The following LRRTM4 variants were observed in gnomAD, a reference collection of about 807,000 sequenced individuals.
The protein encoded by LRRTM4 is leucine rich repeat transmembrane neuronal 4.
In LRRTM4, 25 loss-of-function variants were observed where a neutral mutation model predicts 47.6. The ratio of observed to expected loss-of-function variants is 0.53; its 90% CI spans 0.38 to 0.73. The LOEUF (loss-of-function observed/expected upper bound fraction) is 0.73. Ranked by LOEUF, LRRTM4 falls within the 30% of genes least tolerant of loss-of-function variation. The pLI, the probability that LRRTM4 is intolerant of heterozygous loss-of-function variation, is 0.00. For missense variants in LRRTM4, 638 were observed against 713.4 expected (o/e 0.89, Z 1.20); for synonymous variants, 311 against 269.5 (o/e 1.15, Z -1.51).
rs570482928 is a variant in LRRTM4, at chr2:77,049,501, T to A, written c.1552-300585A>T. ...AGCAGCCATTCTAGCTAGAGTGAGA[T>A]GGTATCTCATTCTGATTTTGATTGG... On this transcript the variant is annotated intron_variant, in intron 3 of 3. Transcript: ENST00000409884. 7.2e-5 allele frequency among the ~76,000 whole-genome samples: 11 copies of A among 152,070 alleles called. No individual in the cohort carries two copies. In the South Asian group the frequency reaches 2.3e-3, roughly 32 times the overall value.
At chr2:77,193,408 T>TAA (rs982484500) in intron 3 of LRRTM4, among the ~76,000 whole-genome samples, 1 of 152,220 alleles carries the variant, frequency 6.6e-6, no homozygotes, top group African/African-American at 2.4e-5. Flanking sequence ...TAAATATTGT[T>TAA]AAATACATTT....
At position 77,242,261 on chromosome 2, in the gene LRRTM4, A is replaced by C. The variant is rs146468093; in HGVS notation, c.1551+276057T>G. On this transcript the variant is annotated intron_variant, in intron 3 of 3. Coordinates refer to ENST00000409884, the MANE Select transcript of LRRTM4 (RefSeq NM_001134745.3). ...GACATCTTAACAATATTAAGTAGGAATAAATTTCTGTCTGTGACACCAAAA... is the reference window on the plus strand; with the variant it reads ...GACATCTTAACAATATTAAGTAGGACTAAATTTCTGTCTGTGACACCAAAA... 1.1e-3 allele frequency among the ~76,000 whole-genome samples: 160 copies of C among 152,248 alleles called. 1 individual carries two copies. The highest frequency in any genetic ancestry group is 3.3e-3 in the African/African-American group (138 of 41,572).
chr2:76,775,524 A>G (rs1016378703), intron 3 of LRRTM4, among the ~76,000 whole-genome samples: 1 of 152,146 alleles, frequency 6.6e-6, no homozygotes, highest in Non-Finnish European at 1.5e-5. Flanking sequence ...GGGACAAATC[A>G]TCAATAGAAT....
chr2:76,994,353 C>T lies in LRRTM4; in HGVS notation c.1552-245437G>A, dbSNP rs147897228. The stretch of plus-strand genomic sequence containing the variant: ...AATAAATACAATGATGGTGAATCCC[C>T]CAAGCTGTGTTTCTATCCTGCAACA... On this transcript the variant is annotated intron_variant, in intron 3 of 3. Transcript: ENST00000409884. 3.9e-3 allele frequency among the ~76,000 whole-genome samples: 595 copies of T among 151,748 alleles called. 1 individual carries two copies. Among genetic ancestry groups the T allele is most frequent in the African/African-American group, 0.014 (569 of 41,482 alleles).
chr2:77,394,843 T>G (rs1479262446), intron 3 of LRRTM4, among the ~76,000 whole-genome samples: 3 of 151,960 alleles, frequency 2.0e-5, no homozygotes, highest in African/African-American at 7.2e-5. Flanking sequence ...AGGCCAGGGT[T>G]GGTGGTCTCT....
chr2:76,824,201 A>G (rs1271340261), intron 3 of LRRTM4, among the ~76,000 whole-genome samples: 1 of 151,594 alleles, frequency 6.6e-6, no homozygotes, highest in African/African-American at 2.4e-5. Context: ...CAATCTATTA[A>G]TATCTCCAAT....
chr2:77,253,023 C>T (rs1031296959), intron 3 of LRRTM4, among the ~76,000 whole-genome samples: 1 of 152,002 alleles, frequency 6.6e-6, no homozygotes, highest in African/African-American at 2.4e-5. Context: ...CTCCCTGCCT[C>T]CCAAATCTCA....
At chr2:76,841,062 T>C (rs1028425020) in intron 3 of LRRTM4, among the ~76,000 whole-genome samples, 3 of 145,216 alleles carry the variant, frequency 2.1e-5, no homozygotes, top group Non-Finnish European at 4.4e-5. Flanking sequence ...TAAGAAAATG[T>C]GGCACATAGA....
At chr2:77,225,201 C>A (rs181053295) in intron 3 of LRRTM4, among the ~76,000 whole-genome samples, 12 of 103,058 alleles carry the variant, frequency 1.2e-4, no homozygotes, top group South Asian at 6.2e-4. Context: ...CATCACACAC[C>A]GGGGACTGTT....
chr2:77,505,295 A>C (rs1381128273), intron 3 of LRRTM4, among the ~76,000 whole-genome samples: 1 of 151,380 alleles, frequency 6.6e-6, no homozygotes, highest in African/African-American at 2.4e-5. Flanking sequence ...AAAAGCTAAA[A>C]ATTCATTTGG....
At chr2:77,232,945 GA>G (rs1180131088) in intron 3 of LRRTM4, among the ~76,000 whole-genome samples, 1 of 152,034 alleles carries the variant, frequency 6.6e-6, no homozygotes, top group Non-Finnish European at 1.5e-5. Flanking sequence ...CTTGACTTTA[GA>G]AAATGTGGCA....
At chr2:77,069,426 TGTG>T (rs1558561402) in intron 3 of LRRTM4, among the ~76,000 whole-genome samples, 56 of 151,792 alleles carry the variant, frequency 3.7e-4, no homozygotes, top group African/African-American at 1.3e-3. Flanking sequence ...TGTGTGTGTG[TGTG>T]TGTGTGTGTT....
chr2:76,777,643 C>A (rs1674104679), intron 3 of LRRTM4, among the ~76,000 whole-genome samples: 1 of 150,822 alleles, frequency 6.6e-6, no homozygotes. Context: ...TGCTTATCAG[C>A]TTAAGGAGAT....
At chr2:76,760,415 AAAG>A (rs756875634) in intron 3 of LRRTM4, among the ~76,000 whole-genome samples, 6 of 152,194 alleles carry the variant, frequency 3.9e-5, no homozygotes, top group Non-Finnish European at 7.3e-5. Context: ...GCAAGGAAGG[AAAG>A]AAGAGGGAAG....
chr2:77,063,806 A>C (rs1355622614), intron 3 of LRRTM4, among the ~76,000 whole-genome samples: 2 of 152,184 alleles, frequency 1.3e-5, no homozygotes, highest in Non-Finnish European at 2.9e-5. Context: ...ATGTATAATA[A>C]AAATGTTTAA....
chr2:76,911,421 A>T (rs1252460258), intron 3 of LRRTM4, among the ~76,000 whole-genome samples: 1 of 152,228 alleles, frequency 6.6e-6, no homozygotes, highest in Non-Finnish European at 1.5e-5. Context: ...CTTCCCCAAA[A>T]CAATTACATC....
intron 3 of LRRTM4, among the ~76,000 whole-genome samples, chr2:77,269,532 ACTGT>A (rs776963652): frequency 5.9e-5 from 9 of 152,190 alleles, no homozygotes; most frequent in Non-Finnish European, 1.0e-4. Context: ...ACTGAATTAA[ACTGT>A]CTGCTAAACA....
intron 3 of LRRTM4, among the ~76,000 whole-genome samples, chr2:77,312,634 GCA>G (rs374621062): frequency 7.9e-5 from 12 of 151,544 alleles, no homozygotes; most frequent in Non-Finnish European, 1.8e-4. Context: ...CCACACGCGT[GCA>G]CACACACACA....
In LRRTM4 at chr2:76,995,023, A is replaced by G. The variant is rs189584988; in HGVS notation, c.1552-246107T>C. Among the ~76,000 whole-genome samples, 217 of 152,130 alleles carry G rather than the reference A, an allele frequency of 1.4e-3. 2 individuals carry two copies. The highest frequency in any genetic ancestry group is 5.0e-3 in the African/African-American group (206 of 41,560). On this transcript the variant is annotated intron_variant, in intron 3 of 3. Transcript: ENST00000409884. Reference sequence around the variant, plus strand: ...AGGGTAGACCTCAGAGTTGAATCTGATAACTGACAAGTCTGTCTTATTATA... The same window carrying G: ...AGGGTAGACCTCAGAGTTGAATCTGGTAACTGACAAGTCTGTCTTATTATA...
Sources: gnomAD v4.1 joint callset for allele counts (sites outside exome capture counted in the v4.1 genomes callset) on GRCh38, gnomAD v4.1.1 for gene constraint, MANE v1.5 for transcripts, NCBI Gene and HGNC (gene_info 2026-07-23, HGNC 2026-07-21) for gene names.